The following IGSF21 variants were observed in gnomAD, a reference collection of about 807,000 sequenced individuals.
The protein encoded by IGSF21 is immunoglobin superfamily member 21.
In IGSF21, 28 loss-of-function variants were observed where a neutral mutation model predicts 46.8. That is an observed-to-expected ratio of 0.60 (90% confidence interval 0.44 to 0.82). IGSF21 has a LOEUF of 0.82. Ranked by LOEUF, IGSF21 falls within the 40% of genes least tolerant of loss-of-function variation. IGSF21 has a pLI of 0.00. For missense variants in IGSF21, 624 were observed against 665.5 expected (o/e 0.94, Z 0.69); for synonymous variants, 284 against 273.6 (o/e 1.04, Z -0.38).
intron 4 of IGSF21, among the ~76,000 whole-genome samples, chr1:18,355,827 C>CTTT (rs1175209229): frequency 8.3e-6 from 1 of 120,762 alleles, no homozygotes; most frequent in African/African-American, 3.5e-5. Context: ...CATGTCTAGA[C>CTTT]TCTTTTTTTT....
intron 3 of IGSF21, among the ~76,000 whole-genome samples, chr1:18,293,608 A>G (rs944871880): frequency 1.3e-5 from 2 of 152,330 alleles, no homozygotes; most frequent in Non-Finnish European, 2.9e-5. Flanking sequence ...AAAATATTAA[A>G]GCACACCTAA....
At chr1:18,292,573 G>T (rs1051070394) in intron 3 of IGSF21, among the ~76,000 whole-genome samples, 1 of 152,118 alleles carries the variant, frequency 6.6e-6, no homozygotes, top group Non-Finnish European at 1.5e-5. Context: ...AAGCTGACTC[G>T]ATCTTCCAGA....
At chr1:18,298,441 G>A (rs1473293884) in intron 3 of IGSF21, among the ~76,000 whole-genome samples, 1 of 152,212 alleles carries the variant, frequency 6.6e-6, no homozygotes, top group Non-Finnish European at 1.5e-5. Context: ...GGAGGTCCGG[G>A]TGAATCACAG....
chr1:18,222,118 T>C (rs2084516583), intron 1 of IGSF21, among the ~76,000 whole-genome samples: 1 of 152,126 alleles, frequency 6.6e-6, no homozygotes, highest in South Asian at 2.1e-4. Context: ...CCATGCCTGC[T>C]CAGCTGTGCC....
intron 3 of IGSF21, among the ~76,000 whole-genome samples, chr1:18,325,233 A>G (rs1047948913): frequency 1.3e-5 from 2 of 152,228 alleles, no homozygotes; most frequent in Non-Finnish European, 2.9e-5. Flanking sequence ...GGTGTTTGAA[A>G]GAACCCCTGT....
At chr1:18,325,092 A>G (rs767830451) in intron 3 of IGSF21, among the ~76,000 whole-genome samples, 1 of 152,214 alleles carries the variant, frequency 6.6e-6, no homozygotes, top group East Asian at 1.9e-4. Context: ...CAGAGAGTGC[A>G]TCGCCATCTC....
intron 1 of IGSF21, among the ~76,000 whole-genome samples, chr1:18,225,722 A>G (rs2084559942): frequency 6.6e-6 from 1 of 152,170 alleles, no homozygotes; most frequent in Non-Finnish European, 1.5e-5. Flanking sequence ...CCATGGGGTC[A>G]GGTCCTCAAC....
At chr1:18,264,667 G>T (rs1050691736) in intron 2 of IGSF21, among the ~76,000 whole-genome samples, 1 of 152,166 alleles carries the variant, frequency 6.6e-6, no homozygotes, top group African/African-American at 2.4e-5. Flanking sequence ...AGCTATGTCT[G>T]CCCCCAGACC....
chr1:18,129,417 A>G (rs568016381), intron 1 of IGSF21, among the ~76,000 whole-genome samples: 4 of 152,152 alleles, frequency 2.6e-5, no homozygotes, highest in African/African-American at 7.2e-5. Flanking sequence ...CAGTTCTCTC[A>G]TGTGCCCCCT....
chr1:18,274,654 T>C (rs1359831898), intron 2 of IGSF21, among the ~76,000 whole-genome samples: 1 of 152,212 alleles, frequency 6.6e-6, no homozygotes. Context: ...ACAGAGAAAG[T>C]TTGCTGTCCA....
chr1:18,314,451 T>A (rs1214910442), intron 3 of IGSF21, among the ~76,000 whole-genome samples: 1 of 152,224 alleles, frequency 6.6e-6, no homozygotes, highest in Non-Finnish European at 1.5e-5. Flanking sequence ...TCATGCCTAA[T>A]TAATAATGAT....
chr1:18,189,963 G>T (rs2086938839), intron 1 of IGSF21, among the ~76,000 whole-genome samples: 1 of 152,182 alleles, frequency 6.6e-6, no homozygotes, highest in South Asian at 2.1e-4. Context: ...TATGGCTGCT[G>T]CAGGGGTGAG....
chr1:18,218,299 G>A (rs1037198758), intron 1 of IGSF21, among the ~76,000 whole-genome samples: 3 of 152,172 alleles, frequency 2.0e-5, no homozygotes, highest in African/African-American at 7.2e-5. Context: ...TATCAAGAGA[G>A]CAGCAAGGGA....
intron 1 of IGSF21, among the ~76,000 whole-genome samples, chr1:18,196,452 G>GTGTGCAT (rs1470285218): frequency 1.3e-5 from 2 of 152,164 alleles, no homozygotes; most frequent in Admixed American, 6.5e-5. Flanking sequence ...GCAGTGTGCA[G>GTGTGCAT]CCAAGAGCTC....
At chr1:18,310,123 G>A (rs1040294624) in intron 3 of IGSF21, among the ~76,000 whole-genome samples, 3 of 152,226 alleles carry the variant, frequency 2.0e-5, no homozygotes, top group African/African-American at 7.2e-5. Flanking sequence ...AAGGCTGACA[G>A]AACCAACAGA....
intron 2 of IGSF21, among the ~76,000 whole-genome samples, chr1:18,233,668 G>A (rs1308082441): frequency 1.3e-5 from 2 of 152,278 alleles, no homozygotes; most frequent in East Asian, 3.9e-4. Context: ...GATCTAGAGA[G>A]GGAAATTATA....
intron 3 of IGSF21, among the ~76,000 whole-genome samples, chr1:18,315,442 A>G (rs2085531190): frequency 1.3e-5 from 2 of 152,214 alleles, no homozygotes; most frequent in South Asian, 4.1e-4. Flanking sequence ...CAGGGCAGGA[A>G]TCATGCTCAT....
At chr1:18,249,499 G>A (rs138953750) in intron 2 of IGSF21, among the ~76,000 whole-genome samples, 133 of 152,260 alleles carry the variant, frequency 8.7e-4, no homozygotes, top group African/African-American at 3.0e-3. Context: ...GTGGGAAGGG[G>A]CAGCTGTACG....
At chr1:18,301,861 A>G (rs1362023251) in intron 3 of IGSF21, among the ~76,000 whole-genome samples, 1 of 152,142 alleles carries the variant, frequency 6.6e-6, no homozygotes, top group Admixed American at 6.5e-5. Context: ...AGCCAGGGAG[A>G]GCAAGTGATG....
Sources: allele counts gnomAD v4.1 joint callset (sites outside exome capture counted in the v4.1 genomes callset), GRCh38; gene constraint gnomAD v4.1.1; transcripts MANE v1.5; gene names NCBI Gene and HGNC (gene_info 2026-07-23, HGNC 2026-07-21).